The following NOX3 variants were observed in gnomAD, a reference collection of about 807,000 sequenced individuals.
NOX3 encodes NADPH oxidase catalytic subunit-like 3.
In NOX3, 74 loss-of-function variants were observed where a neutral mutation model predicts 76.7. That is an observed-to-expected ratio of 0.96 (90% CI 0.80 to 1.17). The LOEUF (loss-of-function observed/expected upper bound fraction) is 1.17, where lower values mean the gene tolerates loss of function less well. Among genes scored for constraint, NOX3 ranks in the 50% most tolerant of loss-of-function variants. NOX3 has a pLI of 0.00. For missense variants in NOX3, 695 were observed against 703.3 expected (o/e 0.99, Z 0.13); for synonymous variants, 263 against 261.1 (o/e 1.01, Z -0.07).
chr6:155,449,660 C>T (rs907850043), intron 4 of NOX3, among the ~76,000 whole-genome samples: 3 of 152,154 alleles, frequency 2.0e-5, no homozygotes, highest in Non-Finnish European at 4.4e-5. Context: ...CCTTCTTCCA[C>T]CAGTCTCTAA....
At chr6:155,404,433 A>T (rs1475785064) in intron 12 of NOX3, among the ~76,000 whole-genome samples, 1 of 152,164 alleles carries the variant, frequency 6.6e-6, no homozygotes, top group Admixed American at 6.5e-5. Flanking sequence ...ACTGGATTCT[A>T]GGCCATATGT....
chr6:155,428,981 C>A lies in NOX3; in HGVS notation c.958G>T (p.Gly320Trp). The change falls in exon 9 of 14, where the codon GGG becomes TGG. Residue 320 changes from glycine to tryptophan, a missense_variant. Coordinates refer to ENST00000159060, the MANE Select transcript of NOX3 (RefSeq NM_015718.3). The part of the protein sequence containing the change: ...MKKRGFKMAP[G>W]QYILVQCPAI... The stretch of plus-strand genomic sequence containing the variant: ...GGGCACTGCACCAAGATGTACTGCC[C>A]TGGCGCCATTTTAAAGCCACGCTTT... 6.2e-7 allele frequency: 1 copy of A among 1,613,146 alleles called. No individual in the cohort carries two copies. The highest frequency in any genetic ancestry group is 8.5e-7 in the Non-Finnish European group (1 of 1,179,270).
chr6:155,428,581 T>TTTTTC (rs1776788118), intron 9 of NOX3, among the ~76,000 whole-genome samples: 1 of 136,488 alleles, frequency 7.3e-6, no homozygotes, highest in Non-Finnish European at 1.5e-5. Flanking sequence ...CATTAGTCTT[T>TTTTTC]TTTTCTTTTT....
At chr6:155,415,875 C>T (rs550731018) in intron 10 of NOX3, among the ~76,000 whole-genome samples, 1 of 152,266 alleles carries the variant, frequency 6.6e-6, no homozygotes, top group South Asian at 2.1e-4. Context: ...TTTGGAGGAG[C>T]TTAGAGAATG....
intron 4 of NOX3, among the ~76,000 whole-genome samples, chr6:155,446,469 T>C (rs913594019): frequency 6.6e-6 from 1 of 152,194 alleles, no homozygotes; most frequent in African/African-American, 2.4e-5. Context: ...TTACCTGATT[T>C]AACCCTCCTC....
At chr6:155,423,264 G>A (rs1477029948) in intron 9 of NOX3, among the ~76,000 whole-genome samples, 1 of 152,196 alleles carries the variant, frequency 6.6e-6, no homozygotes, top group Admixed American at 6.5e-5. Context: ...AGGAAGCTTA[G>A]CAGGCTTCTA....
intron 6 of NOX3, among the ~76,000 whole-genome samples, chr6:155,439,707 C>T (rs537088681): frequency 6.6e-6 from 1 of 152,190 alleles, no homozygotes; most frequent in African/African-American, 2.4e-5. Context: ...ATTAGGATTC[C>T]TGAATTTTAT....
At chr6:155,417,663 C>A (rs1319071452) in intron 10 of NOX3, among the ~76,000 whole-genome samples, 1 of 152,152 alleles carries the variant, frequency 6.6e-6, no homozygotes, top group Non-Finnish European at 1.5e-5. Context: ...GTAGTCAGAG[C>A]TCCAGTGTGA....
chr6:155,415,094 G>C (rs1776607357), intron 10 of NOX3, among the ~76,000 whole-genome samples: 1 of 152,114 alleles, frequency 6.6e-6, no homozygotes, highest in South Asian at 2.1e-4. Context: ...TTTGCAAGGG[G>C]CTTGGGTCTG....
intron 6 of NOX3, among the ~76,000 whole-genome samples, chr6:155,437,182 A>G (rs1044471174): frequency 2.0e-5 from 3 of 152,164 alleles, no homozygotes; most frequent in Non-Finnish European, 2.9e-5. Flanking sequence ...TAATCCTGCT[A>G]TATTATATTT....
At chr6:155,398,955 G>A (rs1779175979) in intron 12 of NOX3, among the ~76,000 whole-genome samples, 1 of 152,326 alleles carries the variant, frequency 6.6e-6, no homozygotes, top group African/African-American at 2.4e-5. Flanking sequence ...ATTTTCCCAC[G>A]CGATGGCTAT....
At chr6:155,413,467 G>A (rs1392340586) in intron 10 of NOX3, among the ~76,000 whole-genome samples, 3 of 151,960 alleles carry the variant, frequency 2.0e-5, no homozygotes, top group African/African-American at 7.3e-5. Context: ...CGCAGCAGGT[G>A]GCAGGATCTC....
At chr6:155,452,516 A>G (rs1777158753) in intron 4 of NOX3, among the ~76,000 whole-genome samples, 1 of 152,144 alleles carries the variant, frequency 6.6e-6, no homozygotes, top group African/African-American at 2.4e-5. Context: ...AGTCACTGGG[A>G]GCATCTTCCC....
At chr6:155,436,246 G>A (rs1358682501) in intron 7 of NOX3, among the ~76,000 whole-genome samples, 172 bp downstream of exon 7, 2 of 152,182 alleles carry the variant, frequency 1.3e-5, no homozygotes, top group Admixed American at 6.5e-5. Flanking sequence ...AGTGCTTTTG[G>A]CAGTAAACCT....
intron 7 of NOX3, among the ~76,000 whole-genome samples, chr6:155,433,493 G>A (rs977878066): frequency 6.6e-6 from 1 of 152,232 alleles, no homozygotes; most frequent in Non-Finnish European, 1.5e-5. Flanking sequence ...GTGCCACTAG[G>A]CACATCTTGA....
chr6:155,424,605 G>A (rs940018291), intron 9 of NOX3, among the ~76,000 whole-genome samples: 1 of 152,090 alleles, frequency 6.6e-6, no homozygotes, highest in Non-Finnish European at 1.5e-5. Context: ...TATTCTATAT[G>A]CCAGACTTCC....
intron 12 of NOX3, among the ~76,000 whole-genome samples, chr6:155,403,813 T>C (rs1294382170): frequency 2.6e-5 from 4 of 152,194 alleles, no homozygotes. Flanking sequence ...CTTGGTCTCT[T>C]GATGCTCCGT....
At chr6:155,451,001 AGAGTTTT>A (rs1777132312) in intron 4 of NOX3, among the ~76,000 whole-genome samples, 1 of 151,624 alleles carries the variant, frequency 6.6e-6, no homozygotes, top group African/African-American at 2.4e-5. Flanking sequence ...TTTTTGAGAC[AGAGTTTT>A]GCTCTTATTG....
rs755180954 is a variant in NOX3 at position 155,436,419 on chromosome 6, G to A, written c.797C>T (p.Ser266Leu). The change falls in exon 7 of 14, where the codon TCG becomes TTG. Residue 266 changes from serine to leucine, a missense_variant and splice_region_variant. By Grantham distance (145) the Ser-to-Leu change is moderately radical (BLOSUM62 -2). Coordinates refer to ENST00000159060, the MANE Select transcript of NOX3 (RefSeq NM_015718.3). The part of the protein sequence containing the change: ...PVPQFSGKEP[S>L]AWKWILGPVV... ...AAAAGCTCCTGGGTTCATTCTTACC[G>A]AGGGTTCCTTGCCAGAAAATTGAGG... The A allele has an allele frequency of 1.3e-5, 21 of 1,613,824 alleles. No homozygotes were observed. The highest frequency in any genetic ancestry group is 6.7e-5 in the East Asian group (3 of 44,882).
Sources: gnomAD v4.1 joint callset for allele counts (sites outside exome capture counted in the v4.1 genomes callset) on GRCh38, gnomAD v4.1.1 for gene constraint, MANE v1.5 for transcripts, NCBI Gene and HGNC (gene_info 2026-07-23, HGNC 2026-07-21) for gene names.